The following TPD52 variants were observed in gnomAD, a reference collection of about 807,000 sequenced individuals.
TPD52 encodes tumor protein D52.
TPD52 carries 17 observed loss-of-function variants against 31.3 expected under a neutral mutation model. That is an observed-to-expected ratio of 0.54 (90% CI 0.37 to 0.82). TPD52 has a LOEUF of 0.82. TPD52 is among the 40% of genes least tolerant of loss of function. The probability of loss-of-function intolerance (pLI) is 0.00; values close to 1 mark genes in which losing one functional copy is unlikely to be tolerated. For missense variants in TPD52, 212 were observed against 240.1 expected (o/e 0.88, Z 0.77); for synonymous variants, 83 against 89.6 (o/e 0.93, Z 0.42).
rs1190005871 is a variant in TPD52, at chr8:80,160,878, T to C, written c.19+10547A>G. On this transcript the variant is annotated intron_variant, in intron 1 of 7. Transcript: ENST00000518937. ...GGGAAACGAGGCAAAACACCATCTC[T>C]ACTAAAAATACAAAAAAAAAAAAAA... Among the ~76,000 whole-genome samples, 49 of 83,444 alleles carry C rather than the reference T, an allele frequency of 5.9e-4. 1 individual carries two copies. In the Admixed American group the frequency reaches 8.7e-3, roughly 15 times the overall value. The allele number at this position is 83,444 out of a possible 152,430, so 54.7% of individuals were successfully genotyped here. A position where few individuals can be genotyped will look rare whatever the true frequency, so the allele number is the denominator to read the frequency against.
At chr8:80,085,689 A>G (rs1398755094) in intron 1 of TPD52, among the ~76,000 whole-genome samples, 1 of 152,136 alleles carries the variant, frequency 6.6e-6, no homozygotes, top group Non-Finnish European at 1.5e-5. Context: ...AAATAGAGAG[A>G]AGGAAGAACT....
chr8:80,057,455 G>A (rs1321714939), intron 2 of TPD52, among the ~76,000 whole-genome samples: 2 of 152,120 alleles, frequency 1.3e-5, no homozygotes, highest in Non-Finnish European at 2.9e-5. Context: ...TGTCCAATGT[G>A]GTACATATAC....
chr8:80,061,451 C>T lies in TPD52; in HGVS notation c.135+3027G>A, dbSNP rs191998310. Among the ~76,000 whole-genome samples, 225 of 146,838 alleles carry T rather than the reference C, an allele frequency of 1.5e-3. 1 individual carries two copies. Among genetic ancestry groups the T allele is most frequent in the African/African-American group, 5.4e-3 (216 of 39,964 alleles). On this transcript the variant is annotated intron_variant, in intron 2 of 7. Coordinates refer to ENST00000518937, the MANE Select transcript of TPD52 (RefSeq NM_001025253.3). Reference sequence around the variant, plus strand: ...TTGTGGTGGCTTATGCCTGTAATCCCAGCACTTTGAGAGGCCTTGGCAGGA... The same window carrying T: ...TTGTGGTGGCTTATGCCTGTAATCCTAGCACTTTGAGAGGCCTTGGCAGGA...
At chr8:80,050,940 C>T (rs536979220) in intron 4 of TPD52, among the ~76,000 whole-genome samples, 1 of 144,526 alleles carries the variant, frequency 6.9e-6, no homozygotes, top group Non-Finnish European at 1.5e-5. Context: ...AGGGGGGGCA[C>T]AAAAGCACTG....
intron 1 of TPD52, among the ~76,000 whole-genome samples, chr8:80,129,739 A>C (rs1390882165): frequency 1.5e-5 from 2 of 131,324 alleles, no homozygotes. Flanking sequence ...AGTCTCCATC[A>C]CCCAGGCTGG....
chr8:80,159,590 C>T (rs935056559), intron 1 of TPD52, among the ~76,000 whole-genome samples: 5 of 152,182 alleles, frequency 3.3e-5, no homozygotes, highest in Admixed American at 6.5e-5. Flanking sequence ...TCCCTTCATG[C>T]CCTGTTTCAT....
intron 1 of TPD52, among the ~76,000 whole-genome samples, chr8:80,116,098 C>G (rs990953967): frequency 6.6e-6 from 1 of 152,050 alleles, no homozygotes; most frequent in Non-Finnish European, 1.5e-5. Context: ...CCTAACAAAT[C>G]AACTGCTAAG....
chr8:80,053,541 A>G (rs1236823974), intron 2 of TPD52, 111 bp from the exon 3 acceptor site: 2 of 1,168,238 alleles, frequency 1.7e-6, no homozygotes, highest in Non-Finnish European at 2.4e-6. Context: ...TTTTTGAATC[A>G]TTTATCTTTC....
intron 1 of TPD52, among the ~76,000 whole-genome samples, chr8:80,089,560 T>C (rs74554410): frequency 0.026 from 4,015 of 152,020 alleles, 64 homozygotes; most frequent in Middle Eastern, 0.044. Context: ...AAAAAAAAAT[T>C]TGAAGAGAAG....
chr8:80,115,020 C>T (rs2130998294), intron 1 of TPD52, among the ~76,000 whole-genome samples: 1 of 152,360 alleles, frequency 6.6e-6, no homozygotes, highest in East Asian at 1.9e-4. Context: ...CAAAGAATAG[C>T]TGCCTATTGC....
chr8:80,109,986 G>A, intron 1 of TPD52, among the ~76,000 whole-genome samples: 1 of 152,114 alleles, frequency 6.6e-6, no homozygotes, highest in Non-Finnish European at 1.5e-5. Context: ...CAACCCTCAT[G>A]CCTGATGTGT....
At chr8:80,074,291 A>C (rs986598909) in intron 1 of TPD52, among the ~76,000 whole-genome samples, 1 of 152,248 alleles carries the variant, frequency 6.6e-6, no homozygotes, top group African/African-American at 2.4e-5. Flanking sequence ...CATATAATTC[A>C]AAGTATCTTT....
chr8:80,090,452 G>A (rs1023063521), intron 1 of TPD52, among the ~76,000 whole-genome samples: 10 of 152,080 alleles, frequency 6.6e-5, no homozygotes, highest in African/African-American at 2.4e-4. Context: ...TGGGGATGGG[G>A]AGGGGCGGGG....
chr8:80,054,727 T>C (rs948210133), intron 2 of TPD52, among the ~76,000 whole-genome samples: 10 of 140,610 alleles, frequency 7.1e-5, no homozygotes, highest in African/African-American at 2.5e-4. Flanking sequence ...ATAAATCAAA[T>C]GTGATGCAGC....
At chr8:80,080,812 C>G in intron 1 of TPD52, 1 of 973,152 alleles carries the variant, frequency 1.0e-6, no homozygotes, top group Non-Finnish European at 1.2e-6. Flanking sequence ...ACAAACAGTT[C>G]AGGCAAACAT....
In TPD52 at chr8:80,060,774, G is replaced by GA. The variant is rs112106552; in HGVS notation, c.135+3703dup. On this transcript the variant is annotated intron_variant, in intron 2 of 7. Coordinates refer to ENST00000518937, the MANE Select transcript of TPD52 (RefSeq NM_001025253.3). ...TCATAAAAATCCAATACTCTTTCAT[G>GA]AAAAAAAAAACCCACTAAAACTAGG... Among the ~76,000 whole-genome samples the GA allele has an allele frequency of 4.8e-3, 683 of 142,520 alleles. 5 individuals are homozygous for GA. The highest frequency in any genetic ancestry group is 0.014 in the African/African-American group (530 of 37,418). 93.5% of individuals were successfully genotyped at this position (142,520 alleles called of 152,430 possible).
chr8:80,041,034 T>A (rs1197499102), intron 7 of TPD52, among the ~76,000 whole-genome samples: 3 of 152,148 alleles, frequency 2.0e-5, no homozygotes, highest in Non-Finnish European at 4.4e-5. Flanking sequence ...TAACTCCTCT[T>A]CTGAAAAAAC....
intron 1 of TPD52, among the ~76,000 whole-genome samples, chr8:80,157,777 T>G (rs1340883108): frequency 6.6e-6 from 1 of 152,244 alleles, no homozygotes; most frequent in Non-Finnish European, 1.5e-5. Flanking sequence ...ATACTTTCAT[T>G]CTGCAAATAT....
At chr8:80,103,273 A>G (rs865778773) in intron 1 of TPD52, among the ~76,000 whole-genome samples, 1 of 152,246 alleles carries the variant, frequency 6.6e-6, no homozygotes, top group South Asian at 2.1e-4. Context: ...CCAAAGCCCA[A>G]TGTAAACAGT....
Sources: gnomAD v4.1 joint callset for allele counts (sites outside exome capture counted in the v4.1 genomes callset) on GRCh38, gnomAD v4.1.1 for gene constraint, MANE v1.5 for transcripts, NCBI Gene and HGNC (gene_info 2026-07-23, HGNC 2026-07-21) for gene names.